The following ASIC2 variants were observed in gnomAD, a reference collection of about 807,000 sequenced individuals.
ASIC2 encodes acid-sensing ion channel 2.
Under a neutral mutation model 57.3 loss-of-function variants are expected in ASIC2, and 25 were observed. That is an observed-to-expected ratio of 0.44 (90% CI 0.32 to 0.61). The LOEUF is 0.61. ASIC2 is among the 20% of genes least tolerant of loss of function. The pLI is 0.06. For missense variants in ASIC2, 641 were observed against 738.1 expected, an observed-to-expected ratio of 0.87 and a Z score of 1.52; for synonymous variants, 319 against 307.5, an observed-to-expected ratio of 1.04 and a Z score of -0.39.
chr17:34,037,440 G>A, intron 1 of ASIC2: 1 of 614,022 alleles, frequency 1.6e-6, no homozygotes, highest in South Asian at 2.3e-5. Flanking sequence ...AGCTGCCCAA[G>A]GTTTCTCCTC....
chr17:33,890,131 A>C (rs111638304), intron 1 of ASIC2, among the ~76,000 whole-genome samples: 14 of 152,152 alleles, frequency 9.2e-5, no homozygotes, highest in Non-Finnish European at 1.8e-4. Context: ...TCCATTCCTT[A>C]GTTATGTTAG....
intron 1 of ASIC2, among the ~76,000 whole-genome samples, chr17:33,847,001 C>A (rs1281459282): frequency 6.6e-6 from 1 of 152,092 alleles, no homozygotes; most frequent in African/African-American, 2.4e-5. Flanking sequence ...AGGCTCTCAG[C>A]AAGTTCTTAT....
intron 1 of ASIC2, among the ~76,000 whole-genome samples, chr17:33,646,815 A>T (rs1906756229): frequency 6.6e-6 from 1 of 152,074 alleles, no homozygotes; most frequent in Non-Finnish European, 1.5e-5. Flanking sequence ...ATTATCAACC[A>T]ATAGTGGAAA....
At chr17:33,604,266 A>T (rs1032735504) in intron 1 of ASIC2, among the ~76,000 whole-genome samples, 3 of 152,216 alleles carry the variant, frequency 2.0e-5, no homozygotes, top group Non-Finnish European at 2.9e-5. Context: ...GGTTGTTTGT[A>T]TTCTGAGGCT....
intron 1 of ASIC2, among the ~76,000 whole-genome samples, chr17:33,301,756 TC>T (rs1473343883): frequency 6.6e-6 from 1 of 152,124 alleles, no homozygotes; most frequent in East Asian, 1.9e-4. Flanking sequence ...GCTGGGAGGG[TC>T]CCAGGGAGAG....
intron 1 of ASIC2, among the ~76,000 whole-genome samples, chr17:33,264,498 T>C (rs771147142): frequency 2.0e-5 from 3 of 152,212 alleles, no homozygotes; most frequent in Non-Finnish European, 4.4e-5. Context: ...GGGAATGAAA[T>C]GCAAGCTGCC....
chr17:33,311,770 T>C (rs777337441), intron 1 of ASIC2, among the ~76,000 whole-genome samples: 3 of 152,218 alleles, frequency 2.0e-5, no homozygotes, highest in Non-Finnish European at 4.4e-5. Flanking sequence ...AGCTCATCCC[T>C]AGGCTTCTTT....
chr17:33,762,823 G>T (rs551385877), intron 1 of ASIC2, among the ~76,000 whole-genome samples: 3 of 152,350 alleles, frequency 2.0e-5, no homozygotes, highest in South Asian at 4.1e-4. Context: ...AGAGAAAAAG[G>T]TTGCAGATGG....
chr17:34,110,369 G>A (rs913296063), intron 1 of ASIC2, among the ~76,000 whole-genome samples: 1 of 152,192 alleles, frequency 6.6e-6, no homozygotes, highest in East Asian at 1.9e-4. Context: ...CTCTGGGAAG[G>A]CTGCCTTCTG....
At chr17:33,469,256 A>T (rs1309957114) in intron 1 of ASIC2, among the ~76,000 whole-genome samples, 1 of 152,230 alleles carries the variant, frequency 6.6e-6, no homozygotes, top group East Asian at 1.9e-4. Context: ...ACTGGGGTGG[A>T]CAAAGCCCAG....
At chr17:33,311,927 C>T (rs536418125) in intron 1 of ASIC2, among the ~76,000 whole-genome samples, 118 of 152,336 alleles carry the variant, frequency 7.7e-4, no homozygotes, top group African/African-American at 2.7e-3. Flanking sequence ...ACCATCTCCC[C>T]AGCTTTATGT....
chr17:34,119,642 A>C (rs950042485), intron 1 of ASIC2, among the ~76,000 whole-genome samples: 6 of 129,648 alleles, frequency 4.6e-5, no homozygotes, highest in African/African-American at 1.3e-4. Flanking sequence ...CACACACACA[A>C]ACACACACAC....
At chr17:34,086,752 G>C (rs1423417488) in intron 1 of ASIC2, among the ~76,000 whole-genome samples, 1 of 152,224 alleles carries the variant, frequency 6.6e-6, no homozygotes, top group African/African-American at 2.4e-5. Context: ...ATTTAGGATA[G>C]TTAGCTCTTC....
chr17:33,848,807 G>C (rs1913684748), intron 1 of ASIC2, among the ~76,000 whole-genome samples: 1 of 152,130 alleles, frequency 6.6e-6, no homozygotes, highest in Non-Finnish European at 1.5e-5. Flanking sequence ...GGTTCTGCCA[G>C]GCAAAATAGG....
chr17:33,744,978 T>G (rs192044498), intron 1 of ASIC2, among the ~76,000 whole-genome samples: 2 of 152,222 alleles, frequency 1.3e-5, no homozygotes, highest in Non-Finnish European at 2.9e-5. Flanking sequence ...AATTTGAGGA[T>G]AGATCAACAG....
At chr17:33,515,119 A>G (rs1191673077) in intron 1 of ASIC2, among the ~76,000 whole-genome samples, 1 of 152,260 alleles carries the variant, frequency 6.6e-6, no homozygotes, top group Non-Finnish European at 1.5e-5. Flanking sequence ...ATAGCTGCCT[A>G]GCTGGCACTT....
At chr17:33,617,009 C>T (rs908573305) in intron 1 of ASIC2, among the ~76,000 whole-genome samples, 15 of 152,176 alleles carry the variant, frequency 9.9e-5, no homozygotes, top group African/African-American at 3.1e-4. Flanking sequence ...CTCTGTTGCC[C>T]TATATTAAAT....
intron 1 of ASIC2, among the ~76,000 whole-genome samples, chr17:33,674,865 CCCA>C (rs1344924534): frequency 2.0e-5 from 3 of 152,150 alleles, no homozygotes; most frequent in African/African-American, 7.2e-5. Context: ...GTGGTCTGAG[CCCA>C]GAAATTGAGG....
chr17:33,891,737 G>A (rs1457707379), intron 1 of ASIC2, among the ~76,000 whole-genome samples: 1 of 152,128 alleles, frequency 6.6e-6, no homozygotes, highest in Non-Finnish European at 1.5e-5. Context: ...CCTACTGCTG[G>A]CTTCGTGTTT....
Sources: allele counts gnomAD v4.1 joint callset (sites outside exome capture counted in the v4.1 genomes callset), GRCh38; gene constraint gnomAD v4.1.1; transcripts MANE v1.5; gene names NCBI Gene and HGNC (gene_info 2026-07-23, HGNC 2026-07-21).